The following ADGRV1 variants were observed in gnomAD, a reference collection of about 807,000 sequenced individuals.
ADGRV1 encodes G-protein coupled receptor 98.
Under a neutral mutation model 596.2 loss-of-function variants are expected in ADGRV1, and 359 were observed. That is an observed-to-expected ratio of 0.60 (90% CI 0.55 to 0.66). The LOEUF (loss-of-function observed/expected upper bound fraction) is 0.66. Ranked by LOEUF, ADGRV1 falls within the 30% of genes least tolerant of loss-of-function variation. ADGRV1 has a pLI of 0.00. For missense variants in ADGRV1, 7,274 were observed against 7,575.6 expected, an observed-to-expected ratio of 0.96 and a Z score of 1.48; for synonymous variants, 2,681 against 2,679.2, an observed-to-expected ratio of 1.00 and a Z score of -0.02.
At chr5:90,587,377 T>C (rs1042723417) in intron 1 of ADGRV1, among the ~76,000 whole-genome samples, 5 of 152,142 alleles carry the variant, frequency 3.3e-5, no homozygotes, top group South Asian at 2.1e-4. Context: ...TTATGATCCT[T>C]ATTGTTATTG....
chr5:90,630,349 C>G (rs1040634538), intron 9 of ADGRV1: 1 of 152,122 alleles, frequency 6.6e-6, no homozygotes, highest in Non-Finnish European at 1.5e-5. Context: ...AAATCAATTT[C>G]TTTGTCTAGG....
chr5:90,929,086 T>A (rs1774906163), intron 83 of ADGRV1, among the ~76,000 whole-genome samples: 1 of 148,068 alleles, frequency 6.8e-6, no homozygotes, highest in Non-Finnish European at 1.5e-5. Flanking sequence ...TGTCTTTTTG[T>A]TTGTCTGTGC....
intron 85 of ADGRV1, among the ~76,000 whole-genome samples, chr5:91,051,714 T>A (rs1320703539): frequency 6.6e-6 from 1 of 151,580 alleles, no homozygotes; most frequent in African/African-American, 2.4e-5. Context: ...GCCCAGCTAA[T>A]TTTTTTGTAT....
At chr5:90,668,476 T>C (rs571666895) in intron 21 of ADGRV1, among the ~76,000 whole-genome samples, 65 of 152,272 alleles carry the variant, frequency 4.3e-4, no homozygotes, top group Admixed American at 5.2e-4. Context: ...GGCTCCCGCA[T>C]GGTGCGCGCA....
intron 85 of ADGRV1, among the ~76,000 whole-genome samples, chr5:91,066,729 A>G (rs1308837792): frequency 6.6e-6 from 1 of 152,174 alleles, no homozygotes; most frequent in Non-Finnish European, 1.5e-5. Context: ...GTGTTTCACA[A>G]CAGTGTCTGA....
intron 83 of ADGRV1, among the ~76,000 whole-genome samples, chr5:90,880,998 C>A (rs540506090): frequency 6.6e-6 from 1 of 152,310 alleles, no homozygotes; most frequent in East Asian, 1.9e-4. Context: ...TGCTTTCACT[C>A]TTTGGGGAAG....
At chr5:90,851,750 GTA>G (rs1432170092) in intron 79 of ADGRV1, among the ~76,000 whole-genome samples, 1 of 152,196 alleles carries the variant, frequency 6.6e-6, no homozygotes, top group Non-Finnish European at 1.5e-5. Flanking sequence ...ATAGGATAAG[GTA>G]TCAGGGAAAT....
chr5:90,824,092 C>T (rs1020877549), intron 76 of ADGRV1, among the ~76,000 whole-genome samples: 1 of 151,836 alleles, frequency 6.6e-6, no homozygotes. Flanking sequence ...TGCATGGTAT[C>T]TCTTTTTTAT....
At chr5:91,132,423 G>T (rs1194758690) in intron 87 of ADGRV1, among the ~76,000 whole-genome samples, 1 of 152,104 alleles carries the variant, frequency 6.6e-6, no homozygotes, top group Non-Finnish European at 1.5e-5. Flanking sequence ...TCATTCGAAG[G>T]TATTCATTAC....
In ADGRV1 at chr5:91,152,857, G is replaced by A. The variant is rs1037922033; in HGVS notation, c.18625-364G>A. Among the ~76,000 whole-genome samples, 5 of 151,544 alleles carry A rather than the reference G, an allele frequency of 3.3e-5. No individual in the cohort carries two copies. In the East Asian group the frequency reaches 5.8e-4, roughly 18 times the overall value. ...AATTTTTTACATTGTAAAAATTTTC[G>A]TAGAGATGGGGGTCTTACAGTCTTG... is the stretch of plus-strand genomic sequence containing the variant. On this transcript the variant is annotated intron_variant, in intron 88 of 89. Coordinates refer to ENST00000405460, the MANE Select transcript of ADGRV1 (RefSeq NM_032119.4).
intron 83 of ADGRV1, among the ~76,000 whole-genome samples, chr5:90,911,150 G>A (rs1772851150): frequency 6.6e-6 from 1 of 152,204 alleles, no homozygotes; most frequent in East Asian, 1.9e-4. Flanking sequence ...AAACACATTC[G>A]ATGGGTTTAC....
intron 83 of ADGRV1, among the ~76,000 whole-genome samples, chr5:90,928,873 C>T (rs201666811): frequency 3.3e-3 from 447 of 136,760 alleles, no homozygotes; most frequent in South Asian, 4.8e-3. Flanking sequence ...AGCTGCAGGT[C>T]TGTTGGAATA....
intron 83 of ADGRV1, among the ~76,000 whole-genome samples, chr5:90,957,012 GA>G (rs944868890): frequency 6.1e-5 from 9 of 146,448 alleles, no homozygotes; most frequent in South Asian, 2.1e-4. Context: ...TGCTAGCCCA[GA>G]AAAAAAAAAG....
chr5:90,947,395 C>CAGAT (rs1286671509), intron 83 of ADGRV1, among the ~76,000 whole-genome samples: 18 of 151,852 alleles, frequency 1.2e-4, no homozygotes, highest in African/African-American at 4.1e-4. Context: ...CTTTGTCAGA[C>CAGAT]AGATAGATTG....
chr5:90,738,491 C>T (rs904255464), intron 50 of ADGRV1, among the ~76,000 whole-genome samples: 23 of 152,206 alleles, frequency 1.5e-4, no homozygotes, highest in African/African-American at 5.5e-4. Flanking sequence ...TTCTATAGAG[C>T]AGGCCGAGTG....
intron 88 of ADGRV1, among the ~76,000 whole-genome samples, chr5:91,151,774 A>G (rs182409978): frequency 1.1e-4 from 16 of 152,338 alleles, no homozygotes; most frequent in African/African-American, 3.6e-4. Context: ...CAACAGCCAC[A>G]TGTGTTTGGT....
rs1301641077 is a variant in ADGRV1 at position 90,753,546 on chromosome 5, A to G, written c.11122-28A>G. On this transcript the variant is annotated intron_variant, in intron 53 of 89. Coordinates refer to ENST00000405460, the MANE Select transcript of ADGRV1 (RefSeq NM_032119.4). ...CTACATAGTGACAATTACAAAATAAATAACATCTTCTTTCTTTAAAATTCT... is the reference window on the plus strand; with the variant it reads ...CTACATAGTGACAATTACAAAATAAGTAACATCTTCTTTCTTTAAAATTCT... The G allele has an allele frequency of 2.0e-6, 3 of 1,531,762 alleles. No individual in the cohort carries two copies. In the Admixed American group the frequency reaches 5.1e-5, roughly 26 times the overall value. 94.9% of individuals were successfully genotyped at this position (1,531,762 alleles called of 1,614,324 possible).
chr5:90,997,937 A>G (rs1025596578), intron 85 of ADGRV1, among the ~76,000 whole-genome samples: 1 of 152,240 alleles, frequency 6.6e-6, no homozygotes, highest in Non-Finnish European at 1.5e-5. Flanking sequence ...TGAGAGCCAT[A>G]TGTATAAGTC....
chr5:90,791,318 A>T lies in ADGRV1; in HGVS notation c.14489A>T (p.Lys4830Ile). The change falls in exon 70 of 90, where the codon AAA (lysine) becomes ATA (isoleucine). Residue 4830 changes from lysine (K) to isoleucine (I), a missense_variant. Lys to Ile is a moderately radical substitution (Grantham distance 102, BLOSUM62 -3). This residue lies in a region of ADGRV1 where 1,874 missense variants were observed against 1,970.2 expected (regional missense o/e 0.95). Coordinates refer to ENST00000405460, the MANE Select transcript of ADGRV1 (RefSeq NM_032119.4). ...GTGGTCAAAGATGGTGCCACATATA[A>T]AGTGGACGTGGTGCCAATAAAGAAT... ...QLVVKDGATY[K>I]VDVVPIKNQV... is the part of the protein sequence containing the mutation. 1 of 1,577,860 alleles carries T rather than the reference A, an allele frequency of 6.3e-7. No homozygotes were observed. The highest frequency in any genetic ancestry group is 1.7e-4 in the Middle Eastern group (1 of 6,024).
Sources: gnomAD v4.1 joint callset for allele counts (sites outside exome capture counted in the v4.1 genomes callset) on GRCh38, gnomAD v4.1.1 for gene constraint, gnomAD v4.1.1 regional missense constraint, MANE v1.5 for transcripts, NCBI Gene and HGNC (gene_info 2026-07-23, HGNC 2026-07-21) for gene names.